The following TBCK variants were observed in gnomAD, a reference collection of about 807,000 sequenced individuals.
TBCK encodes TBC domain-containing protein kinase-like protein.
A neutral mutation model predicts 113.4 loss-of-function variants in TBCK; 99 were observed. The ratio of observed to expected loss-of-function variants is 0.87; its 90% CI spans 0.74 to 1.03. TBCK has a LOEUF of 1.03. Among genes scored for constraint, TBCK ranks in the 50% least tolerant of loss-of-function variants. TBCK has a pLI of 0.00. For missense variants in TBCK, 1,045 were observed against 1,061.3 expected (o/e 0.98, Z 0.21); for synonymous variants, 369 against 370.8 (o/e 1.00, Z 0.05).
At chr4:106,078,275 A>C (rs1298829847) in intron 25 of TBCK, among the ~76,000 whole-genome samples, 3 of 152,186 alleles carry the variant, frequency 2.0e-5, no homozygotes, top group African/African-American at 4.8e-5. Context: ...AAGAAAAGAA[A>C]TAACCAAAAT....
chr4:106,303,003 T>C (rs1159486447), intron 2 of TBCK, among the ~76,000 whole-genome samples: 2 of 152,228 alleles, frequency 1.3e-5, no homozygotes, highest in Admixed American at 6.5e-5. Flanking sequence ...TATAGTCTAC[T>C]ATTAGATATA....
intron 23 of TBCK, among the ~76,000 whole-genome samples, chr4:106,144,749 C>A (rs977421825): frequency 6.6e-6 from 1 of 151,996 alleles, no homozygotes; most frequent in African/African-American, 2.4e-5. Flanking sequence ...TTGGGCTGGG[C>A]ATGGTGGCTC....
intron 23 of TBCK, among the ~76,000 whole-genome samples, chr4:106,117,925 C>T (rs532628496): frequency 2.6e-5 from 4 of 151,502 alleles, no homozygotes; most frequent in South Asian, 4.2e-4. Context: ...AGGAGAATGG[C>T]GTGAACCCGG....
At chr4:106,172,570 T>C (rs981552234) in intron 22 of TBCK, among the ~76,000 whole-genome samples, 20 of 152,152 alleles carry the variant, frequency 1.3e-4, no homozygotes, top group African/African-American at 4.3e-4. Context: ...AGGCAGGCAA[T>C]GGAGAAAAAT....
At chr4:106,233,089 G>C (rs772195742) in intron 16 of TBCK, 25 bp from the exon 17 acceptor site, 1 of 1,597,888 alleles carries the variant, frequency 6.3e-7, no homozygotes, top group East Asian at 2.2e-5. Context: ...AAATAATAAG[G>C]TGAAACAGTA....
At chr4:106,199,279 C>T (rs1308138107) in intron 20 of TBCK, among the ~76,000 whole-genome samples, 1 of 152,044 alleles carries the variant, frequency 6.6e-6, no homozygotes, top group Non-Finnish European at 1.5e-5. Flanking sequence ...TGACTATTCC[C>T]ACTTCTTCAG....
At chr4:106,148,329 C>T (rs1007133301) in intron 23 of TBCK, among the ~76,000 whole-genome samples, 27 of 152,164 alleles carry the variant, frequency 1.8e-4, no homozygotes, top group Admixed American at 8.5e-4. Flanking sequence ...GCTGGTTTTG[C>T]GGCTTGTGGG....
chr4:106,084,981 A>G (rs979970161), intron 25 of TBCK, among the ~76,000 whole-genome samples: 20 of 152,308 alleles, frequency 1.3e-4, no homozygotes, highest in African/African-American at 4.8e-4. Flanking sequence ...AGTGCCAGCC[A>G]CTGCAAAAAC....
At chr4:106,128,523 AAATAT>A (rs1315715361) in intron 23 of TBCK, among the ~76,000 whole-genome samples, 24 of 152,302 alleles carry the variant, frequency 1.6e-4, no homozygotes, top group African/African-American at 5.3e-4. Flanking sequence ...AGTAGGCAGA[AAATAT>A]AATAGACAAA....
chr4:106,184,095 G>C (rs1290585534), intron 22 of TBCK, among the ~76,000 whole-genome samples: 2 of 151,984 alleles, frequency 1.3e-5, no homozygotes, highest in Admixed American at 1.3e-4. Flanking sequence ...GGAAACTTTA[G>C]ACTCTGACAA....
At chr4:106,300,252 C>T (rs1766798238) in intron 2 of TBCK, among the ~76,000 whole-genome samples, 1 of 152,150 alleles carries the variant, frequency 6.6e-6, no homozygotes, top group African/African-American at 2.4e-5. Context: ...TACAAATTAC[C>T]TAGTTTTGGG....
At position 106,048,715 on chromosome 4, in the gene TBCK, T is replaced by A. The variant is rs1578744083; in HGVS notation, c.2572-2035A>T. Among the ~76,000 whole-genome samples the A allele has an allele frequency of 5.3e-5, 8 of 152,282 alleles. No individual in the cohort carries two copies. The South Asian group carries it at 1.7e-3, about 32-fold the overall frequency. ...TGGATAAGCAGTCTTAACTTTCAGT[T>A]CTTTCAAAACATTGTGGAAATCAGA... is the stretch of plus-strand genomic sequence containing the variant. On this transcript the variant is annotated intron_variant, in intron 25 of 25. Transcript: ENST00000394708.
At chr4:106,301,717 G>A (rs1766965809) in intron 2 of TBCK, among the ~76,000 whole-genome samples, 1 of 152,166 alleles carries the variant, frequency 6.6e-6, no homozygotes, top group Non-Finnish European at 1.5e-5. Flanking sequence ...AAGAGTATGT[G>A]ACTCCAAGTA....
At chr4:106,249,227 T>C (rs1761169470) in intron 7 of TBCK, among the ~76,000 whole-genome samples, 1 of 152,162 alleles carries the variant, frequency 6.6e-6, no homozygotes, top group South Asian at 2.1e-4. Context: ...AAGGAGCAAT[T>C]CCTTTACAAG....
At chr4:106,207,996 A>AT (rs1255117005) in intron 20 of TBCK, among the ~76,000 whole-genome samples, 2 of 152,120 alleles carry the variant, frequency 1.3e-5, no homozygotes, top group Admixed American at 1.3e-4. Context: ...GTGTAGAGGC[A>AT]TTTTTTTGTA....
At chr4:106,284,863 G>A (rs1232285705) in intron 3 of TBCK, among the ~76,000 whole-genome samples, 3 of 152,148 alleles carry the variant, frequency 2.0e-5, no homozygotes, top group Non-Finnish European at 4.4e-5. Context: ...TCAAAGAGGA[G>A]TTGAGATCTA....
intron 23 of TBCK, among the ~76,000 whole-genome samples, chr4:106,169,603 C>T (rs1750763640): frequency 6.6e-6 from 1 of 151,958 alleles, no homozygotes; most frequent in Non-Finnish European, 1.5e-5. Context: ...TTTTTTGGCA[C>T]CAAGGACTGT....
intron 23 of TBCK, among the ~76,000 whole-genome samples, chr4:106,131,114 A>G (rs975937352): frequency 6.6e-6 from 1 of 152,096 alleles, no homozygotes; most frequent in Non-Finnish European, 1.5e-5. Context: ...GTAGTGAGTA[A>G]GTCTCACGAG....
intron 14 of TBCK, among the ~76,000 whole-genome samples, chr4:106,235,749 A>G (rs1467179962): frequency 6.6e-6 from 1 of 152,072 alleles, no homozygotes; most frequent in Non-Finnish European, 1.5e-5. Flanking sequence ...GAAGTGATCA[A>G]TAACTATAAG....
Sources: gnomAD v4.1 joint callset for allele counts (sites outside exome capture counted in the v4.1 genomes callset) on GRCh38, gnomAD v4.1.1 for gene constraint, MANE v1.5 for transcripts, NCBI Gene and HGNC (gene_info 2026-07-23, HGNC 2026-07-21) for gene names.